The following ZNF423 variants were observed in gnomAD, a reference collection of about 807,000 sequenced individuals.
ZNF423 encodes Ebf-associated zinc finger protein.
In ZNF423, 12 loss-of-function variants were observed where a neutral mutation model predicts 95.8. The observed-to-expected ratio is 0.13, with a 90% CI of 0.08 to 0.20. The LOEUF (loss-of-function observed/expected upper bound fraction) is 0.20, where lower values mean the gene tolerates loss of function less well. Among genes scored for constraint, ZNF423 ranks in the 10% least tolerant of loss-of-function variants. The pLI is 1.00. For missense variants in ZNF423, 1,316 were observed against 1,737.1 expected, an observed-to-expected ratio of 0.76 and a Z score of 4.31; for synonymous variants, 749 against 711.9, an observed-to-expected ratio of 1.05 and a Z score of -0.83.
At chr16:49,769,782 C>T (rs2033999393) in intron 2 of ZNF423, among the ~76,000 whole-genome samples, 1 of 150,180 alleles carries the variant, frequency 6.7e-6, no homozygotes, top group African/African-American at 2.4e-5. Context: ...CCCCGTCTCC[C>T]TCCCTCATCT....
intron 2 of ZNF423, among the ~76,000 whole-genome samples, chr16:49,755,932 C>T (rs574435096): frequency 2.0e-5 from 3 of 152,262 alleles, no homozygotes; most frequent in South Asian, 4.1e-4. Context: ...GAGTCAGAGA[C>T]GGCCCTGCCT....
chr16:49,617,959 C>T (rs1051451601), intron 5 of ZNF423, among the ~76,000 whole-genome samples: 5 of 152,230 alleles, frequency 3.3e-5, no homozygotes, highest in Non-Finnish European at 7.3e-5. Flanking sequence ...TCCTCACTCT[C>T]CAGGCTCCTC....
intron 3 of ZNF423, among the ~76,000 whole-genome samples, chr16:49,655,849 A>AC (rs1483814394): frequency 6.6e-6 from 1 of 152,072 alleles, no homozygotes; most frequent in East Asian, 1.9e-4. Flanking sequence ...CCACTGAATT[A>AC]TTTTTCTTCC....
chr16:49,671,616 T>C (rs747719380), intron 3 of ZNF423, among the ~76,000 whole-genome samples: 1 of 152,246 alleles, frequency 6.6e-6, no homozygotes, highest in African/African-American at 2.4e-5. Context: ...GGTCAGGTGA[T>C]GGCTCCACCT....
chr16:49,515,562 T>C (rs1968097603), intron 7 of ZNF423, among the ~76,000 whole-genome samples: 4 of 152,188 alleles, frequency 2.6e-5, no homozygotes, highest in Admixed American at 2.6e-4. Context: ...TAAATGGGGA[T>C]GAGAGTACCT....
chr16:49,580,983 T>C (rs969070929), intron 5 of ZNF423, among the ~76,000 whole-genome samples: 1 of 152,110 alleles, frequency 6.6e-6, no homozygotes, highest in Non-Finnish European at 1.5e-5. Context: ...GTTCACGGGC[T>C]GAGTAGATGT....
Position 49,548,611 on chromosome 16 carries a change from C to A in ZNF423, c.3602-23117G>T, listed in dbSNP as rs558334640. Among the ~76,000 whole-genome samples the A allele has an allele frequency of 3.3e-5, 5 of 152,218 alleles. No individual in the cohort carries two copies. The East Asian group carries it at 9.6e-4, about 29-fold the overall frequency. On this transcript the variant is annotated intron_variant, in intron 5 of 7. Coordinates refer to ENST00000563137, the MANE Select transcript of ZNF423 (RefSeq NM_001379286.1). The stretch of plus-strand genomic sequence containing the variant: ...CCTGCAAATGTGGCCATCTGCACCT[C>A]GGGAGAAAGAGAAGGGGAGAGAGAC...
chr16:49,667,143 TC>T (rs753934319), intron 3 of ZNF423, among the ~76,000 whole-genome samples: 1 of 152,152 alleles, frequency 6.6e-6, no homozygotes, highest in Non-Finnish European at 1.5e-5. Flanking sequence ...ACTCTGAGCC[TC>T]CCCTTCCTCA....
intron 2 of ZNF423, among the ~76,000 whole-genome samples, chr16:49,765,105 C>T (rs950698790): frequency 6.6e-6 from 1 of 151,998 alleles, no homozygotes. Context: ...CCTTTCTCTA[C>T]CTTCACCTCA....
intron 5 of ZNF423, among the ~76,000 whole-genome samples, chr16:49,551,283 C>T (rs747694672): frequency 1.3e-5 from 2 of 152,230 alleles, no homozygotes; most frequent in African/African-American, 2.4e-5. Flanking sequence ...TCCAACGCTC[C>T]GCTTTTCTGC....
intron 1 of ZNF423, among the ~76,000 whole-genome samples, chr16:49,831,246 T>C (rs1426550913): frequency 6.6e-6 from 1 of 152,140 alleles, no homozygotes; most frequent in Admixed American, 6.5e-5. Context: ...AGCGCCTGAG[T>C]CCATGTTCTA....
At chr16:49,599,181 G>A (rs2151828226) in intron 5 of ZNF423, among the ~76,000 whole-genome samples, 2 of 152,250 alleles carry the variant, frequency 1.3e-5, no homozygotes, top group Middle Eastern at 6.8e-3. Context: ...TAAAAACCAA[G>A]AAAGAAGGGA....
At chr16:49,835,914 GGAA>G (rs887459168) in intron 1 of ZNF423, among the ~76,000 whole-genome samples, 65 of 152,298 alleles carry the variant, frequency 4.3e-4, no homozygotes, top group African/African-American at 1.5e-3. Flanking sequence ...AATGCTGATG[GGAA>G]GAAGAGGCAG....
chr16:49,834,619 C>T (rs576642174), intron 1 of ZNF423, among the ~76,000 whole-genome samples: 5 of 152,284 alleles, frequency 3.3e-5, no homozygotes, highest in East Asian at 1.9e-4. Flanking sequence ...TGGGGGAAAC[C>T]GGAGCCTGGT....
At chr16:49,707,853 C>T (rs192943781) in intron 3 of ZNF423, among the ~76,000 whole-genome samples, 45 of 152,110 alleles carry the variant, frequency 3.0e-4, no homozygotes, top group Admixed American at 7.9e-4. Flanking sequence ...AGCTCTGTCA[C>T]GCAGGCTAAT....
chr16:49,533,688 A>G (rs1048345066), intron 5 of ZNF423, among the ~76,000 whole-genome samples: 1 of 152,202 alleles, frequency 6.6e-6, no homozygotes, highest in African/African-American at 2.4e-5. Context: ...GGGAGTGGGG[A>G]AAAACATGGC....
At chr16:49,782,336 T>C (rs773933086) in intron 2 of ZNF423, among the ~76,000 whole-genome samples, 14 of 152,248 alleles carry the variant, frequency 9.2e-5, no homozygotes, top group Non-Finnish European at 1.8e-4. Context: ...AACCAAGTTA[T>C]AGCATCTCTG....
chr16:49,601,400 A>G (rs1216502363), intron 5 of ZNF423, among the ~76,000 whole-genome samples: 3 of 152,234 alleles, frequency 2.0e-5, no homozygotes, highest in Non-Finnish European at 2.9e-5. Context: ...GGCCTGGCAT[A>G]TAAGTGCTAT....
intron 3 of ZNF423, among the ~76,000 whole-genome samples, chr16:49,720,861 C>T (rs145079309): frequency 3.1e-4 from 47 of 152,336 alleles, no homozygotes; most frequent in Non-Finnish European, 5.9e-4. Flanking sequence ...GCCCTGATTC[C>T]CCGCACCCAA....
Sources: gnomAD v4.1 joint callset for allele counts (sites outside exome capture counted in the v4.1 genomes callset) on GRCh38, gnomAD v4.1.1 for gene constraint, MANE v1.5 for transcripts, NCBI Gene and HGNC (gene_info 2026-07-23, HGNC 2026-07-21) for gene names.